The following CCDC7 variants were observed in gnomAD, a reference collection of about 807,000 sequenced individuals.
CCDC7 encodes coiled-coil domain containing 7, also known as coiled-coil domain-containing protein 7.
Under a neutral mutation model 196.9 loss-of-function variants are expected in CCDC7, and 183 were observed. The ratio of observed to expected loss-of-function variants is 0.93; its 90% confidence interval spans 0.82 to 1.05. The LOEUF (loss-of-function observed/expected upper bound fraction) is 1.05, where lower values mean the gene tolerates loss of function less well. CCDC7 is among the 50% of genes least tolerant of loss of function. CCDC7 has a pLI of 0.00. For synonymous variants in CCDC7, 525 were observed against 484.6 expected, an observed-to-expected ratio of 1.08 and a Z score of -1.10; for missense variants, 1,540 against 1,482.2, an observed-to-expected ratio of 1.04 and a Z score of -0.64.
At chr10:32,585,111 T>C (rs548562489) in intron 18 of CCDC7, among the ~76,000 whole-genome samples, 1 of 151,928 alleles carries the variant, frequency 6.6e-6, no homozygotes, top group African/African-American at 2.4e-5. Flanking sequence ...TCTTGCTCTG[T>C]CGCCCAGGCT....
intron 30 of CCDC7, among the ~76,000 whole-genome samples, chr10:32,807,713 T>C (rs1169357069): frequency 2.0e-5 from 3 of 151,766 alleles, no homozygotes; most frequent in African/African-American, 2.4e-5. Flanking sequence ...GAGCCACCCT[T>C]ACAGGCCCTG....
intron 18 of CCDC7, among the ~76,000 whole-genome samples, chr10:32,603,765 C>G (rs1358026582): frequency 6.6e-6 from 1 of 151,828 alleles, no homozygotes; most frequent in Non-Finnish European, 1.5e-5. Context: ...TAAGAAATGT[C>G]TATTTAGATT....
Position 32,654,422 on chromosome 10 carries a change from T to C in CCDC7, c.2015-9632T>C, listed in dbSNP as rs367775448. ...TTTGTTTAAATTCTAAATAATATGA[T>C]GTGAAATTCTGAAAATTAGATTACT... On this transcript the variant is annotated intron_variant, in intron 20 of 41. Coordinates refer to ENST00000639629, the Ensembl canonical transcript of CCDC7. 1.7e-3 allele frequency among the ~76,000 whole-genome samples: 265 copies of C among 152,362 alleles called. 2 individuals are homozygous for C. Among genetic ancestry groups the C allele is most frequent in the African/African-American group, 4.8e-3 (199 of 41,578 alleles).
chr10:32,818,602 A>C (rs891515730), intron 31 of CCDC7, among the ~76,000 whole-genome samples: 1 of 152,220 alleles, frequency 6.6e-6, no homozygotes, highest in South Asian at 2.1e-4. Flanking sequence ...AGCACTCCTC[A>C]GCAAATGTAA....
At chr10:32,601,759 ACT>A (rs1407663602) in intron 18 of CCDC7, among the ~76,000 whole-genome samples, 4 of 150,840 alleles carry the variant, frequency 2.7e-5, no homozygotes, top group African/African-American at 9.8e-5. Context: ...ACCAATCAAC[ACT>A]CTGTGTCTAG....
chr10:32,722,828 T>C (rs566737603), intron 25 of CCDC7, among the ~76,000 whole-genome samples: 7 of 152,064 alleles, frequency 4.6e-5, no homozygotes, highest in Admixed American at 2.0e-4. Context: ...ATGGAGATCA[T>C]AGTTGTGCAC....
chr10:32,797,427 A>G (rs1475381829), intron 29 of CCDC7, among the ~76,000 whole-genome samples: 1 of 152,036 alleles, frequency 6.6e-6, no homozygotes, highest in East Asian at 1.9e-4. Flanking sequence ...AAAACCAAGC[A>G]TTGTATGTTC....
chr10:32,782,447 C>T (rs1300742617), intron 29 of CCDC7, among the ~76,000 whole-genome samples: 1 of 152,128 alleles, frequency 6.6e-6, no homozygotes, highest in Non-Finnish European at 1.5e-5. Flanking sequence ...AGACTGGTCT[C>T]AAACTCCTGA....
At chr10:32,727,702 A>T (rs2083333006) in intron 26 of CCDC7, among the ~76,000 whole-genome samples, 1 of 152,164 alleles carries the variant, frequency 6.6e-6, no homozygotes, top group Admixed American at 6.6e-5. Context: ...AACCTAATAT[A>T]TCGCTTTCCT....
chr10:32,641,772 T>C (rs1374787333), intron 20 of CCDC7, among the ~76,000 whole-genome samples: 1 of 152,330 alleles, frequency 6.6e-6, no homozygotes, highest in East Asian at 1.9e-4. Flanking sequence ...TTTTTCCCCA[T>C]CTTCGTGGTT....
intron 18 of CCDC7, among the ~76,000 whole-genome samples, chr10:32,604,345 A>G (rs1163318370): frequency 6.6e-6 from 1 of 152,082 alleles, no homozygotes; most frequent in Non-Finnish European, 1.5e-5. Context: ...ATAGCCTTGT[A>G]GTATATTTTG....
At chr10:32,719,026 TAA>T (rs1335353281) in intron 25 of CCDC7, among the ~76,000 whole-genome samples, 1 of 152,146 alleles carries the variant, frequency 6.6e-6, no homozygotes, top group Admixed American at 6.5e-5. Flanking sequence ...AAAACTACTT[TAA>T]GTTTCATATG....
intron 18 of CCDC7, among the ~76,000 whole-genome samples, chr10:32,601,973 T>G (rs1022892060): frequency 1.3e-5 from 2 of 152,184 alleles, no homozygotes; most frequent in Non-Finnish European, 2.9e-5. Context: ...GAATAAAAGC[T>G]GGCCACCCGA....
At chr10:32,446,852 C>T (rs1333225490), upstream of CCDC7, among the ~76,000 whole-genome samples, 1 of 149,390 alleles carries the variant, frequency 6.7e-6, no homozygotes, top group Non-Finnish European at 1.5e-5. Flanking sequence ...GAGCATTTGT[C>T]AGGTTCTTTT....
At chr10:32,734,174 A>G (rs1289129063) in intron 28 of CCDC7, among the ~76,000 whole-genome samples, 1 of 152,228 alleles carries the variant, frequency 6.6e-6, no homozygotes, top group East Asian at 1.9e-4. Flanking sequence ...ATACGGAATC[A>G]GCCTAAATGC....
chr10:32,881,155 G>C (rs2094777329), downstream of CCDC7, among the ~76,000 whole-genome samples: 1 of 152,052 alleles, frequency 6.6e-6, no homozygotes, highest in African/African-American at 2.4e-5. Flanking sequence ...CTAACATTTT[G>C]CACAGGGGCC....
intron 8 of CCDC7, among the ~76,000 whole-genome samples, chr10:32,476,993 C>CA (rs2039088914): frequency 6.6e-6 from 1 of 152,080 alleles, no homozygotes; most frequent in East Asian, 1.9e-4. Flanking sequence ...GATATTCTCT[C>CA]AGTCTGTGGC....
At chr10:32,680,543 T>C (rs2075713145) in intron 21 of CCDC7, among the ~76,000 whole-genome samples, 1 of 152,142 alleles carries the variant, frequency 6.6e-6, no homozygotes, top group African/African-American at 2.4e-5. Flanking sequence ...AACTCGTCAT[T>C]TACATTAGCT....
intron 41 of CCDC7, among the ~76,000 whole-genome samples, chr10:32,859,768 G>C (rs1172238811): frequency 6.6e-6 from 1 of 152,146 alleles, no homozygotes; most frequent in Non-Finnish European, 1.5e-5. Context: ...ACTACCATCA[G>C]AGAATACTAT....
Sources: allele counts gnomAD v4.1 joint callset (sites outside exome capture counted in the v4.1 genomes callset), GRCh38; gene constraint gnomAD v4.1.1; transcripts MANE v1.5; gene names NCBI Gene and HGNC (gene_info 2026-07-23, HGNC 2026-07-21).